Variants in KIF1A observed in about 807,000 individuals in gnomAD.
KIF1A encodes the protein kinesin family member 1A.
KIF1A carries 46 observed loss-of-function variants against 227.3 expected under a neutral mutation model. The ratio of observed to expected loss-of-function variants is 0.20; its 90% CI spans 0.16 to 0.26. The LOEUF (loss-of-function observed/expected upper bound fraction) is 0.26, where lower values mean the gene tolerates loss of function less well. Among genes scored for constraint, KIF1A ranks in the 10% least tolerant of loss-of-function variants. KIF1A has a pLI of 1.00. For missense variants in KIF1A, 1,683 were observed against 2,485.9 expected, an observed-to-expected ratio of 0.68 and a Z score of 6.87; for synonymous variants, 1,022 against 1,012.8, an observed-to-expected ratio of 1.01 and a Z score of -0.17.
intron 38 of KIF1A, among the ~76,000 whole-genome samples, chr2:240,733,169 A>G (rs1468019829): frequency 6.6e-6 from 1 of 151,988 alleles, no homozygotes; most frequent in Non-Finnish European, 1.5e-5. Context: ...GTGAAAGATC[A>G]ATGAGTGCGT....
rs532848212 is a variant in KIF1A, at chr2:240,784,419, G to A, written c.720+570C>T. Among the ~76,000 whole-genome samples the A allele has an allele frequency of 1.1e-4, 16 of 152,272 alleles. No individual in the cohort carries two copies. In the East Asian group the frequency reaches 1.5e-3, roughly 15 times the overall value. ...GGGCAGCGGGGCAGGCAGCCGCGCC[G>A]ACCTCGTCCAGCTTCACCCTCGTCT... is the stretch of plus-strand genomic sequence containing the variant. On this transcript the variant is annotated intron_variant, in intron 7 of 48. Transcript: ENST00000498729.
chr2:240,803,309 G>GC (rs1047844687), intron 1 of KIF1A, among the ~76,000 whole-genome samples: 1 of 152,220 alleles, frequency 6.6e-6, no homozygotes, highest in African/African-American at 2.4e-5. Context: ...GGGGAGGGCA[G>GC]CCCCACATCA....
At chr2:240,797,597 G>T in intron 2 of KIF1A, 50 bp downstream of exon 2, 1 of 1,320,318 alleles carries the variant, frequency 7.6e-7, no homozygotes, top group Non-Finnish European at 1.1e-6. Flanking sequence ...CAGGACCATG[G>T]CCCCCAGCAA....
chr2:240,798,050 G>C (rs1332085077), intron 1 of KIF1A: 36 of 298,192 alleles, frequency 1.2e-4, no homozygotes, highest in Middle Eastern at 1.0e-3. Context: ...CCCAACAAAA[G>C]AAACAGAAAC....
chr2:240,820,994 C>A (rs2058671545), upstream of KIF1A, among the ~76,000 whole-genome samples: 2 of 152,164 alleles, frequency 1.3e-5, no homozygotes, highest in African/African-American at 4.8e-5. This position sits in a 1 kb window ranked among gnomAD's most constrained non-coding sequence, Gnocchi z 6.2. Flanking sequence ...CCCCAGCCTG[C>A]GTCACCCGCC....
intron 5 of KIF1A, 92 bp from the exon 6 acceptor site, chr2:240,786,605 C>A: frequency 8.3e-7 from 1 of 1,210,298 alleles, no homozygotes; most frequent in Non-Finnish European, 1.2e-6. Flanking sequence ...TAGGGGTCAA[C>A]ATAAGGACCC....
At chr2:240,720,873 G>T in intron 45 of KIF1A, 41 bp downstream of exon 45, 1 of 1,518,164 alleles carries the variant, frequency 6.6e-7, no homozygotes, top group Non-Finnish European at 8.9e-7. Context: ...TGGGTCAGCC[G>T]TGGTGCCAGA....
chr2:240,757,616 A>C lies in KIF1A; in HGVS notation c.2583-22T>G. 1.3e-6 allele frequency: 2 copies of C among 1,537,866 alleles called. No individual in the cohort carries two copies. The highest frequency in any genetic ancestry group is 1.8e-6 in the Non-Finnish European group (2 of 1,139,532). ...TGAACTGAGGTTAGTGCGACAAGAC[A>C]GAGAGAAGTTAACACCAGCGACTCG... On this transcript the variant is annotated intron_variant, in intron 26 of 48. Transcript: ENST00000498729. This position sits in a 1 kb window ranked among gnomAD's most constrained non-coding sequence, Gnocchi z 6.2.
chr2:240,811,814 G>C (rs986366032), intron 1 of KIF1A, among the ~76,000 whole-genome samples: 1 of 152,148 alleles, frequency 6.6e-6, no homozygotes, highest in Non-Finnish European at 1.5e-5. Flanking sequence ...GTGGTGGCAG[G>C]GTGGGGTCTG....
At chr2:240,783,132 G>T (rs568032258) in intron 8 of KIF1A, 23 bp from the exon 9 acceptor site, 9 of 1,605,208 alleles carry the variant, frequency 5.6e-6, no homozygotes, top group Non-Finnish European at 7.7e-6. Context: ...AAGACAGTGG[G>T]GTTGGGATGC....
At chr2:240,746,454 C>T (rs902098613) in intron 29 of KIF1A, among the ~76,000 whole-genome samples, 1 of 152,246 alleles carries the variant, frequency 6.6e-6, no homozygotes, top group African/African-American at 2.4e-5. Context: ...TGCCTCTCTG[C>T]TCTGGTCTTC....
intron 10 of KIF1A, chr2:240,781,946 A>G (rs1417360470): frequency 1.0e-6 from 1 of 985,196 alleles, no homozygotes; most frequent in Non-Finnish European, 1.2e-6. Flanking sequence ...CTCTGTCCCC[A>G]CACAGCCACC....
In KIF1A at chr2:240,726,931, G is replaced by A; in HGVS notation, c.4017C>T (p.Tyr1339=). The change falls in exon 39 of 49, where the codon TAC becomes TAT. Residue 1339 remains tyrosine, a synonymous_variant. Transcript: ENST00000498729. This position sits in a 1 kb window ranked among gnomAD's most constrained non-coding sequence, Gnocchi z 5.2. The part of the protein sequence containing the change: ...IHPAQDDRTF[Y]QFEAAWDSSM... Reference sequence around the variant, plus strand: ...AGCTGTCCCACGCAGCCTCAAATTGGTAAAAGGTCCTGAAAGGAAGCAGAG... The same window carrying A: ...AGCTGTCCCACGCAGCCTCAAATTGATAAAAGGTCCTGAAAGGAAGCAGAG... 1 of 1,602,218 alleles carries A rather than the reference G, an allele frequency of 6.2e-7. No individual in the cohort carries two copies. The highest frequency in any genetic ancestry group is 8.5e-7 in the Non-Finnish European group (1 of 1,171,894).
rs1575594229 is a variant in KIF1A, at chr2:240,766,255, A to G, written c.1685-462T>C. ...CAGTGGGTGTCAGTCACAGGTCTGC[A>G]GGCCAGAGGCTGGCTGGATGCTGCC... is the stretch of plus-strand genomic sequence containing the variant. On this transcript the variant is annotated intron_variant, in intron 19 of 48. Transcript: ENST00000498729. The surrounding 1 kb of genome is among the most constrained non-coding windows in gnomAD (Gnocchi z 5.0). Among the ~76,000 whole-genome samples the G allele has an allele frequency of 1.3e-5, 2 of 152,360 alleles. No individual in the cohort carries two copies. Among genetic ancestry groups the G allele is most frequent in the Non-Finnish European group, 2.9e-5 (2 of 68,026 alleles).
At position 240,782,570 on chromosome 2, in the gene KIF1A, G is replaced by T; in HGVS notation, c.882+20C>A. The T allele has an allele frequency of 6.4e-7, 1 of 1,551,752 alleles. No homozygotes were observed. The highest frequency in any genetic ancestry group is 8.7e-7 in the Non-Finnish European group (1 of 1,147,466). ...CACCAGCCTCCCGCACCTGCCCCGG[G>T]GCTGAAGGAAGCCGCTTACCTTGTT... is the stretch of plus-strand genomic sequence containing the variant. On this transcript the variant is annotated intron_variant, in intron 10 of 48. Coordinates refer to ENST00000498729, the MANE Select transcript of KIF1A (RefSeq NM_001244008.2).
chr2:240,780,432 C>T (rs1453707290), intron 10 of KIF1A, among the ~76,000 whole-genome samples: 2 of 152,114 alleles, frequency 1.3e-5, no homozygotes, highest in South Asian at 4.1e-4. Context: ...GCCTGCTTCC[C>T]CGCCTTCTCC....
chr2:240,763,392 G>A (rs1483300517), intron 20 of KIF1A, 46 bp from the exon 21 acceptor site: 1 of 1,509,026 alleles, frequency 6.6e-7, no homozygotes, highest in Non-Finnish European at 8.9e-7. Context: ...GGGATCTTCA[G>A]GTCCCTGATG....
In KIF1A at chr2:240,725,659, C is replaced by T. The variant is rs1316841180; in HGVS notation, c.4123-255G>A. On this transcript the variant is annotated intron_variant, in intron 39 of 48. Transcript: ENST00000498729. The surrounding 1 kb of genome is among the most constrained non-coding windows in gnomAD (Gnocchi z 5.8). ...GGGACTGGTCTCCATGTGTGGGGAC[C>T]CCGAGGGTCCCAGACATAGGCTCAC... The T allele has an allele frequency of 4.2e-6, 2 of 474,918 alleles. No individual in the cohort carries two copies. The highest frequency in any genetic ancestry group is 3.7e-6 in the Non-Finnish European group (1 of 267,420). The allele number at this position is 474,918 out of a possible 1,614,324, so 29.4% of individuals were successfully genotyped here.
chr2:240,783,577 G>A (rs568506343), intron 8 of KIF1A, among the ~76,000 whole-genome samples, 162 bp downstream of exon 8: 21 of 152,234 alleles, frequency 1.4e-4, no homozygotes, highest in Admixed American at 3.9e-4. Context: ...CATGGCCCTC[G>A]GCTGCTGGCA....
Sources: allele counts gnomAD v4.1 joint callset (sites outside exome capture counted in the v4.1 genomes callset), GRCh38; gene constraint gnomAD v4.1.1; non-coding constraint Gnocchi (gnomAD v3.1); transcripts MANE v1.5; gene names NCBI Gene and HGNC (gene_info 2026-07-23, HGNC 2026-07-21).